Variants in SERPINB8 observed in about 807,000 individuals in gnomAD.
SERPINB8 encodes the protein serpin family B member 8.
A neutral mutation model predicts 35.3 loss-of-function variants in SERPINB8; 25 were observed. The ratio of observed to expected loss-of-function variants is 0.71; its 90% CI spans 0.52 to 0.99. The LOEUF (loss-of-function observed/expected upper bound fraction) is 0.99. SERPINB8 is among the 50% of genes least tolerant of loss of function. The probability of loss-of-function intolerance (pLI) is 0.00; values close to 1 mark genes in which losing one functional copy is unlikely to be tolerated. For missense variants in SERPINB8, 484 were observed against 446.5 expected, an observed-to-expected ratio of 1.08 and a Z score of -0.76; for synonymous variants, 186 against 160.8, an observed-to-expected ratio of 1.16 and a Z score of -1.19.
intron 2 of SERPINB8, among the ~76,000 whole-genome samples, chr18:63,979,433 C>G (rs1401631462): frequency 6.6e-6 from 1 of 152,172 alleles, no homozygotes; most frequent in East Asian, 1.9e-4. Flanking sequence ...AATAAATTTG[C>G]TAGACTAGTG....
chr18:63,980,689 C>A (rs1480522528), intron 3 of SERPINB8, among the ~76,000 whole-genome samples: 2 of 152,320 alleles, frequency 1.3e-5, no homozygotes, highest in Admixed American at 1.3e-4. Context: ...CTGATGAATC[C>A]ATTTCATTTT....
chr18:64,017,413 A>G (rs140667261), intron 7 of SERPINB8, among the ~76,000 whole-genome samples: 33 of 152,322 alleles, frequency 2.2e-4, no homozygotes, highest in Admixed American at 5.9e-4. Context: ...TATTCCATCA[A>G]GGAAGAGAGA....
chr18:64,006,077 A>AT (rs1408833200), downstream of SERPINB8, among the ~76,000 whole-genome samples: 1 of 152,172 alleles, frequency 6.6e-6, no homozygotes, highest in African/African-American at 2.4e-5. Context: ...AAAGATTTAC[A>AT]TGTCCAAGGA....
intron 1 of SERPINB8, among the ~76,000 whole-genome samples, chr18:63,997,369 C>A (rs949452831): frequency 3.3e-5 from 5 of 152,150 alleles, no homozygotes; most frequent in African/African-American, 1.2e-4. Context: ...GCAGGTAAAA[C>A]CCAGCCCAGC....
chr18:64,017,223 C>G (rs566408413), intron 7 of SERPINB8, among the ~76,000 whole-genome samples: 4 of 152,298 alleles, frequency 2.6e-5, no homozygotes, highest in Non-Finnish European at 4.4e-5. Flanking sequence ...CCCTGCTCTT[C>G]TCTTGACTTG....
chr18:64,004,028 T>G (rs1453811207), intron 1 of SERPINB8, among the ~76,000 whole-genome samples: 1 of 152,240 alleles, frequency 6.6e-6, no homozygotes, highest in African/African-American at 2.4e-5. Flanking sequence ...ATACACACTC[T>G]CTTTCTCACT....
chr18:63,977,935 G>C (rs550440921), intron 1 of SERPINB8, among the ~76,000 whole-genome samples: 2 of 152,192 alleles, frequency 1.3e-5, no homozygotes, highest in South Asian at 4.2e-4. Flanking sequence ...CTGGCTTCTC[G>C]AGGAGGTTGC....
Position 63,987,986 on chromosome 18 carries a change from C to T in SERPINB8, c.*708C>T, listed in dbSNP as rs2050788200. ...CTTACGCAACACACCACTGAGTCCT[C>T]TAACTAATCATATGTGCTCAGACAC... On this transcript the variant is annotated 3_prime_UTR_variant, in exon 7 of 7. Transcript: ENST00000397985. The T allele has an allele frequency of 6.6e-6, 1 of 152,328 alleles. No homozygotes were observed. The highest frequency in any genetic ancestry group is 3.4e-3 in the Middle Eastern group (1 of 294). The allele number at this position is 152,328 out of a possible 1,614,324, so 9.4% of individuals were successfully genotyped here.
chr18:63,993,977 T>C (rs145546858), downstream of SERPINB8, among the ~76,000 whole-genome samples: 549 of 152,292 alleles, frequency 3.6e-3, 4 homozygotes, highest in African/African-American at 0.012. Flanking sequence ...GACTTTCTTA[T>C]CAGGAGCCTT....
chr18:64,004,736 A>C (rs1599167854), intron 1 of SERPINB8: 2 of 397,802 alleles, frequency 5.0e-6, no homozygotes, highest in Admixed American at 4.4e-5. Flanking sequence ...TTTTCTCTAC[A>C]GAAACTTTAA....
At chr18:64,011,516 T>C (rs2050925821) in intron 7 of SERPINB8, among the ~76,000 whole-genome samples, 1 of 152,148 alleles carries the variant, frequency 6.6e-6, no homozygotes, top group African/African-American at 2.4e-5. Context: ...TTTGTATATC[T>C]TCATGCTTCT....
At chr18:64,006,998 C>T (rs1042469262), downstream of SERPINB8, among the ~76,000 whole-genome samples, 1 of 151,516 alleles carries the variant, frequency 6.6e-6, no homozygotes, top group Non-Finnish European at 1.5e-5. Context: ...ACTTATGAAA[C>T]AGCAGACAAA....
chr18:63,986,705 A>G (rs2050760378), intron 6 of SERPINB8, 169 bp from the exon 7 acceptor site: 1 of 1,409,612 alleles, frequency 7.1e-7, no homozygotes, highest in Non-Finnish European at 9.3e-7. Context: ...GAAAAGATGA[A>G]AATTTGGGAG....
chr18:63,975,374 C>T (rs771546450), intron 1 of SERPINB8, among the ~76,000 whole-genome samples: 3 of 152,222 alleles, frequency 2.0e-5, no homozygotes, highest in Admixed American at 6.5e-5. Flanking sequence ...TGGAGGACCC[C>T]GGGACTTGCC....
intron 7 of SERPINB8, among the ~76,000 whole-genome samples, chr18:64,015,473 C>T (rs2050945560): frequency 6.6e-6 from 1 of 152,134 alleles, no homozygotes; most frequent in African/African-American, 2.4e-5. Context: ...CTAACAAATC[C>T]GCAGCACAAC....
intron 6 of SERPINB8, chr18:63,986,215 A>T: frequency 6.3e-7 from 1 of 1,586,446 alleles, no homozygotes; most frequent in Non-Finnish European, 8.6e-7. Flanking sequence ...ATGCTAGTGG[A>T]AGGCCTTTCT....
downstream of SERPINB8, among the ~76,000 whole-genome samples, chr18:63,989,578 GTGT>G (rs1272041558): frequency 1.1e-4 from 16 of 152,270 alleles, no homozygotes; most frequent in East Asian, 3.1e-3. Context: ...GGTACTACCA[GTGT>G]TGTTACTTTC....
intron 4 of SERPINB8, among the ~76,000 whole-genome samples, 177 bp from the exon 5 acceptor site, chr18:63,983,402 A>G (rs1599146030): frequency 6.6e-6 from 1 of 152,146 alleles, no homozygotes; most frequent in Non-Finnish European, 1.5e-5. Flanking sequence ...CTTAAGCACA[A>G]ATGTTACACT....
chr18:63,985,096 A>G lies in SERPINB8; in HGVS notation c.571A>G (p.Lys191Glu). 9 of 1,613,440 alleles carry G rather than the reference A, an allele frequency of 5.6e-6. No homozygotes were observed. Among genetic ancestry groups the G allele is most frequent in the Non-Finnish European group, 7.6e-6 (9 of 1,179,698 alleles). The stretch of plus-strand genomic sequence containing the variant: ...CGAACTTTAATTTTTCCGTTAGGAA[A>G]AAAAGACAGTGCAGATGATGTTTAA... Reference protein sequence around the residue: ...RGMLFKTNEEKKTVQMMFKEA... With the variant: ...RGMLFKTNEEEKTVQMMFKEA... Residue 191 changes from lysine to glutamate, a missense_variant, in exon 6 of 7, where the codon AAA becomes GAA. Transcript: ENST00000397985.
Sources: gnomAD v4.1 joint callset for allele counts (sites outside exome capture counted in the v4.1 genomes callset) on GRCh38, gnomAD v4.1.1 for gene constraint, MANE v1.5 for transcripts, NCBI Gene and HGNC (gene_info 2026-07-23, HGNC 2026-07-21) for gene names.